Variants in ZMYND15 observed in about 807,000 individuals in gnomAD.
ZMYND15 encodes zinc finger MYND-type containing 15, also known as zinc finger MYND domain-containing protein 15.
Under a neutral mutation model 81.7 loss-of-function variants are expected in ZMYND15, and 54 were observed. The ratio of observed to expected loss-of-function variants is 0.66; its 90% CI spans 0.53 to 0.83. ZMYND15 has a LOEUF of 0.83. ZMYND15 is among the 40% of genes least tolerant of loss of function. The pLI, the probability that ZMYND15 is intolerant of heterozygous loss-of-function variation, is 0.00. For synonymous variants in ZMYND15, 399 were observed against 387.0 expected (o/e 1.03, Z -0.36); for missense variants, 925 against 973.5 (o/e 0.95, Z 0.66).
Position 4,743,557 on chromosome 17 carries a change from C to G in ZMYND15, c.1297+102C>G. ...GATCCCTCCACATACACACTGACCC[C>G]TACCAACAGCACCAGGGCCATTTCA... On this transcript the variant is annotated intron_variant, in intron 6 of 13. Coordinates refer to ENST00000433935, the MANE Select transcript of ZMYND15 (RefSeq NM_001136046.3). This position sits in a 1 kb window ranked among gnomAD's most constrained non-coding sequence, Gnocchi z 4.3. The G allele has an allele frequency of 2.0e-6, 3 of 1,508,916 alleles. No homozygotes were observed. Among genetic ancestry groups the G allele is most frequent in the Non-Finnish European group, 2.7e-6 (3 of 1,119,156 alleles). The allele number at this position is 1,508,916 out of a possible 1,614,324, so 93.5% of individuals were successfully genotyped here.
At position 4,743,058 on chromosome 17, in the gene ZMYND15, A is replaced by G. The variant is rs1341356757; in HGVS notation, c.1145-245A>G. On this transcript the variant is annotated intron_variant, in intron 5 of 13. Transcript: ENST00000433935. The surrounding 1 kb of genome is among the most constrained non-coding windows in gnomAD (Gnocchi z 4.3). Reference sequence around the variant, plus strand: ...CAGGAATTTGAGATCAGCCTGGGCAACATAGACTCTGTCTCTACAAAAAAT... The same window carrying G: ...CAGGAATTTGAGATCAGCCTGGGCAGCATAGACTCTGTCTCTACAAAAAAT... 6.6e-6 allele frequency among the ~76,000 whole-genome samples: 1 copy of G among 152,088 alleles called. No individual in the cohort carries two copies. The highest frequency in any genetic ancestry group is 1.5e-5 in the Non-Finnish European group (1 of 67,996).
In ZMYND15 at chr17:4,742,774, A is replaced by C. The variant is rs77531219; in HGVS notation, c.1144+283A>C. 8.2e-3 allele frequency among the ~76,000 whole-genome samples: 1,249 copies of C among 152,258 alleles called. 7 individuals are homozygous for C. Among genetic ancestry groups the C allele is most frequent in the South Asian group, 0.017 (83 of 4,826 alleles). On this transcript the variant is annotated intron_variant, in intron 5 of 13. Coordinates refer to ENST00000433935, the MANE Select transcript of ZMYND15 (RefSeq NM_001136046.3). ...CCACCACTAACTGCAGTGTGACCTT[A>C]AACAAACCACTTTACTTCTTGAAGC...
In ZMYND15 at chr17:4,741,046, G is replaced by C. The variant is rs1443867797; in HGVS notation, c.498G>C (p.Glu166Asp). 2 of 1,551,018 alleles carry C rather than the reference G, an allele frequency of 1.3e-6. No individual in the cohort carries two copies. Among genetic ancestry groups the C allele is most frequent in the Non-Finnish European group, 1.7e-6 (2 of 1,146,494 alleles). ...QETNPPGESE[E>D]AAREAGGGKD... ...CAAACCCTCCAGGAGAGTCAGAGGAGGCTGCCCGGGAGGCAGGAGGTGGCA... is the reference window on the plus strand; with the variant it reads ...CAAACCCTCCAGGAGAGTCAGAGGACGCTGCCCGGGAGGCAGGAGGTGGCA... The change falls in exon 2 of 14, where the codon GAG (glutamate) becomes GAC (aspartate). Residue 166 changes from glutamate to aspartate, a missense_variant. Physicochemically the swap from Glu to Asp is conservative, Grantham distance 45. Transcript: ENST00000433935.
At chr17:4,741,855 G>A (rs769351006) in intron 3 of ZMYND15, 39 bp downstream of exon 3, 7 of 1,587,500 alleles carry the variant, frequency 4.4e-6, no homozygotes, top group Admixed American at 1.7e-5. Flanking sequence ...GAGGACTCGG[G>A]CCCTGGATTC....
At position 4,743,796 on chromosome 17, in the gene ZMYND15, G is replaced by A. The variant is rs773430156; in HGVS notation, c.1327G>A (p.Gly443Arg). ...GDPYQLLQGDGTALMPPVPPH... is the reference protein window; with the variant it reads ...GDPYQLLQGDRTALMPPVPPH... ...CCCCTACCAGCTTCTCCAGGGAGAC[G>A]GGACTGCCCTGATGCCTCCTGTGCC... Residue 443 changes from glycine to arginine, a missense_variant, in exon 7 of 14, where the codon GGG becomes AGG. Physicochemically the swap from Gly to Arg is moderately radical, Grantham distance 125 (BLOSUM62 -2). Transcript: ENST00000433935. This position sits in a 1 kb window ranked among gnomAD's most constrained non-coding sequence, Gnocchi z 4.3. 14 of 1,613,868 alleles carry A rather than the reference G, an allele frequency of 8.7e-6. No individual in the cohort carries two copies. Among genetic ancestry groups the A allele is most frequent in the South Asian group, 5.5e-5 (5 of 91,062 alleles).
chr17:4,744,089 C>G lies in ZMYND15; in HGVS notation c.1477C>G (p.His493Asp). The change falls in exon 8 of 14, where the codon CAC becomes GAC. Residue 493 changes from histidine (H) to aspartate (D), a missense_variant. His to Asp is a moderately conservative substitution (Grantham distance 81). Transcript: ENST00000433935. The surrounding 1 kb of genome is among the most constrained non-coding windows in gnomAD (Gnocchi z 4.1). ...YPLTVYYVIT[H>D]LVPQSFPELN... is the part of the protein sequence containing the mutation. The stretch of plus-strand genomic sequence containing the variant: ...GCTGACCGTGTACTACGTCATCACC[C>G]ACCTGGTGCCCCAGTCCTGTAAGGA... 2 of 1,586,472 alleles carry G rather than the reference C, an allele frequency of 1.3e-6. No individual in the cohort carries two copies. The highest frequency in any genetic ancestry group is 2.3e-5 in the South Asian group (2 of 88,430).
intron 3 of ZMYND15, 23 bp from the exon 4 acceptor site, chr17:4,741,892 A>G: frequency 6.2e-7 from 1 of 1,609,060 alleles, no homozygotes; most frequent in Non-Finnish European, 8.5e-7. Context: ...GCCTGATGCC[A>G]TCTCCCCCCC....
rs138337241 is a variant in ZMYND15, at chr17:4,744,272, G to A, written c.1578G>A (p.Val526=). The part of the protein sequence containing the change: ...EAGKEFDLVM[V]FWELLVLLPH... The stretch of plus-strand genomic sequence containing the variant: ...GGAAGGAGTTTGACCTTGTCATGGT[G>A]TTTTGGGTAAGTCACCCCAGGCCTG... Residue 526 remains valine, a synonymous_variant, in exon 9 of 14, where the codon GTG becomes GTA. Transcript: ENST00000433935. The surrounding 1 kb of genome is among the most constrained non-coding windows in gnomAD (Gnocchi z 4.1). 177 of 1,613,956 alleles carry A rather than the reference G, an allele frequency of 1.1e-4. No homozygotes were observed. Among genetic ancestry groups the A allele is most frequent in the Admixed American group, 3.3e-4 (20 of 60,004 alleles).
At chr17:4,740,164 CA>C in intron 1 of ZMYND15, 114 bp downstream of exon 1, 1 of 796,094 alleles carries the variant, frequency 1.3e-6, no homozygotes, top group Non-Finnish European at 1.5e-6. Context: ...CAGACGCATC[CA>C]AAATGCTTCC....
In ZMYND15 at chr17:4,740,938, C is replaced by G. The variant is rs370077147; in HGVS notation, c.390C>G (p.Asp130Glu). The stretch of plus-strand genomic sequence containing the variant: ...ATGAAGAAGAAGAGAAGAGAGAGGA[C>G]GGGGGTGCAGGCAGCACAGAGAAGG... The part of the protein sequence containing the change: ...EEDEEEEKRE[D>E]GGAGSTEKVE... The change falls in exon 2 of 14, where the codon GAC (aspartate) becomes GAG (glutamate). Residue 130 changes from aspartate to glutamate, a missense_variant. Physicochemically the swap from Asp to Glu is conservative, Grantham distance 45. Coordinates refer to ENST00000433935, the MANE Select transcript of ZMYND15 (RefSeq NM_001136046.3). 4 of 1,578,708 alleles carry G rather than the reference C, an allele frequency of 2.5e-6. No individual in the cohort carries two copies. The highest frequency in any genetic ancestry group is 2.3e-5 in the East Asian group (1 of 43,978).
In ZMYND15 at chr17:4,743,398, C is replaced by T. The variant is rs750289465; in HGVS notation, c.1240C>T (p.Pro414Ser). ...WTQLSMLIPGPGFSRHPRGNT... is the reference protein window; with the variant it reads ...WTQLSMLIPGSGFSRHPRGNT... The stretch of plus-strand genomic sequence containing the variant: ...CCAGCTCAGCATGCTGATTCCAGGC[C>T]CGGGCTTCTCCAGACACCCCCGAGG... The change falls in exon 6 of 14, where the codon CCG becomes TCG. Residue 414 changes from proline to serine, a missense_variant. Coordinates refer to ENST00000433935, the MANE Select transcript of ZMYND15 (RefSeq NM_001136046.3). This position sits in a 1 kb window ranked among gnomAD's most constrained non-coding sequence, Gnocchi z 4.3. The T allele has an allele frequency of 3.7e-6, 6 of 1,614,088 alleles. No individual in the cohort carries two copies. The highest frequency in any genetic ancestry group is 5.1e-6 in the Non-Finnish European group (6 of 1,180,014).
rs554327887 is a variant in ZMYND15 at position 4,740,091 on chromosome 17, C to G, written c.-31+41C>G. The G allele has an allele frequency of 1.3e-5, 13 of 985,016 alleles. No homozygotes were observed. The African/African-American group carries it at 2.3e-4, about 17-fold the overall frequency. 61.0% of individuals were successfully genotyped at this position (985,016 alleles called of 1,614,324 possible). ...GGCGGCCGGGAGGGGCTAGGTCTAC[C>G]GGGGCTGCCCGCCACGCAGATCCGA... On this transcript the variant is annotated intron_variant, in intron 1 of 13. Coordinates refer to ENST00000433935, the MANE Select transcript of ZMYND15 (RefSeq NM_001136046.3).
In ZMYND15 at chr17:4,745,195, C is replaced by T. The variant is rs557031535; in HGVS notation, c.1897-20C>T. 4 of 1,613,912 alleles carry T rather than the reference C, an allele frequency of 2.5e-6. No homozygotes were observed. The highest frequency in any genetic ancestry group is 3.4e-6 in the Non-Finnish European group (4 of 1,179,920). On this transcript the variant is annotated intron_variant, in intron 12 of 13. Coordinates refer to ENST00000433935, the MANE Select transcript of ZMYND15 (RefSeq NM_001136046.3). This position sits in a 1 kb window ranked among gnomAD's most constrained non-coding sequence, Gnocchi z 5.2. ...GGATTTGGGGAGGGGCCTCTCAGAG[C>T]GACTCTCGCTCCACCCCAGTCCCTC...
Position 4,745,043 on chromosome 17 carries a change from C to G in ZMYND15, c.1896+115C>G. On this transcript the variant is annotated intron_variant, in intron 12 of 13. Transcript: ENST00000433935. The surrounding 1 kb of genome is among the most constrained non-coding windows in gnomAD (Gnocchi z 5.2). ...CTTCACCATCACCTGCTCCACAAAC[C>G]TGGGGAGTGCCCACGGGTCCCCCTG... 1 of 1,537,316 alleles carries G rather than the reference C, an allele frequency of 6.5e-7. No individual in the cohort carries two copies. The highest frequency in any genetic ancestry group is 1.1e-5 in the South Asian group (1 of 87,690).
chr17:4,740,919 A>AAGAAG lies in ZMYND15; in HGVS notation c.380_384dup (p.Glu129ArgfsTer21), dbSNP rs758827210. 2 of 1,581,380 alleles carry AAGAAG rather than the reference A, an allele frequency of 1.3e-6. No homozygotes were observed. Among genetic ancestry groups the AAGAAG allele is most frequent in the Non-Finnish European group, 1.7e-6 (2 of 1,161,262 alleles). Reference sequence around the variant, plus strand: ...GAGGAGGAAGAGGAGGAAGATGAAGAAGAAGAGAAGAGAGAGGACGGGGGT... The same window carrying AAGAAG: ...GAGGAGGAAGAGGAGGAAGATGAAGAAGAAGAGAAGAGAAGAGAGAGGACGGGGGT... On this transcript the variant is annotated frameshift_variant, in exon 2 of 14. Transcript: ENST00000433935. LOFTEE classifies it high-confidence loss of function.
Position 4,745,649 on chromosome 17 carries a change from C to T in ZMYND15, c.2058-170C>T, listed in dbSNP as rs936325733. Among the ~76,000 whole-genome samples the T allele has an allele frequency of 4.6e-5, 7 of 151,656 alleles. No individual in the cohort carries two copies. Among genetic ancestry groups the T allele is most frequent in the Non-Finnish European group, 8.8e-5 (6 of 67,950 alleles). On this transcript the variant is annotated intron_variant, in intron 13 of 13. Transcript: ENST00000433935. This position sits in a 1 kb window ranked among gnomAD's most constrained non-coding sequence, Gnocchi z 5.2. ...CCAACAGACCCAACCCTGAGTCTAG[C>T]CCCACGCCCTGGAACTCAGAGGGGC...
rs750691894 is a variant in ZMYND15, at chr17:4,745,426, T to G, written c.2057+51T>G. ...TCCTGACCCTTAACTTCTCTTACTC[T>G]CTGGCTCCACATCCTCGAAGGCCCA... is the stretch of plus-strand genomic sequence containing the variant. On this transcript the variant is annotated intron_variant, in intron 13 of 13. Coordinates refer to ENST00000433935, the MANE Select transcript of ZMYND15 (RefSeq NM_001136046.3). The surrounding 1 kb of genome is among the most constrained non-coding windows in gnomAD (Gnocchi z 5.2). The G allele has an allele frequency of 6.5e-7, 1 of 1,542,094 alleles. No homozygotes were observed. Among genetic ancestry groups the G allele is most frequent in the South Asian group, 1.3e-5 (1 of 79,506 alleles).
At position 4,741,058 on chromosome 17, in the gene ZMYND15, G is replaced by A. The variant is rs569272451; in HGVS notation, c.510G>A (p.Glu170=). ...PPGESEEAAR[E]AGGGKDGCRE... The stretch of plus-strand genomic sequence containing the variant: ...GAGAGTCAGAGGAGGCTGCCCGGGA[G>A]GCAGGAGGTGGCAAGGATGGCTGCC... The change falls in exon 2 of 14, where the codon GAG becomes GAA. Residue 170 remains glutamate, a synonymous_variant. Transcript: ENST00000433935. 3 of 1,548,058 alleles carry A rather than the reference G, an allele frequency of 1.9e-6. No homozygotes were observed. The highest frequency in any genetic ancestry group is 1.4e-5 in the African/African-American group (1 of 73,108).
Position 4,740,573 on chromosome 17 carries a change from G to A in ZMYND15, c.25G>A (p.Asp9Asn), listed in dbSNP as rs1916350277. The A allele has an allele frequency of 1.2e-6, 2 of 1,605,312 alleles. No homozygotes were observed. Among genetic ancestry groups the A allele is most frequent in the Non-Finnish European group, 1.7e-6 (2 of 1,173,966 alleles). MEFVSGYR[D>N]EFLDFTALLF... ...CATGGAGTTTGTGTCTGGATACCGGGATGAGTTCCTTGATTTCACTGCCCT... is the reference window on the plus strand; with the variant it reads ...CATGGAGTTTGTGTCTGGATACCGGAATGAGTTCCTTGATTTCACTGCCCT... Residue 9 changes from aspartate (D) to asparagine (N), a missense_variant, in exon 2 of 14, where the codon GAT becomes AAT. Physicochemically the swap from Asp to Asn is conservative, Grantham distance 23. Coordinates refer to ENST00000433935, the MANE Select transcript of ZMYND15 (RefSeq NM_001136046.3).
Sources: gnomAD v4.1 joint callset for allele counts (sites outside exome capture counted in the v4.1 genomes callset) on GRCh38, gnomAD v4.1.1 for gene constraint, Gnocchi (gnomAD v3.1) non-coding constraint, MANE v1.5 for transcripts, NCBI Gene and HGNC (gene_info 2026-07-23, HGNC 2026-07-21) for gene names.